The following CNOT6L variants were observed in gnomAD, a reference collection of about 807,000 sequenced individuals.
CNOT6L encodes CCR4-NOT transcription complex subunit 6-like.
In CNOT6L, 7 loss-of-function variants were observed where a neutral mutation model predicts 64.0. That is an observed-to-expected ratio of 0.11 (90% CI 0.06 to 0.21). CNOT6L has a LOEUF of 0.21. Among genes scored for constraint, CNOT6L ranks in the 10% least tolerant of loss-of-function variants. The pLI is 1.00. For missense variants in CNOT6L, 245 were observed against 669.0 expected (o/e 0.37, Z 6.99); for synonymous variants, 193 against 243.4 (o/e 0.79, Z 1.93).
chr4:77,713,724 T>C lies in CNOT6L; in HGVS notation c.*6707A>G, dbSNP rs548915412. On this transcript the variant is annotated 3_prime_UTR_variant, in exon 12 of 12. Transcript: ENST00000504123. ...AAACATCTCAGCTGAGCAGTTTTGGTCAAGATTCAGACCTCATCAACTGTT... is the reference window on the plus strand; with the variant it reads ...AAACATCTCAGCTGAGCAGTTTTGGCCAAGATTCAGACCTCATCAACTGTT... 6.6e-6 allele frequency: 1 copy of C among 152,658 alleles called. No homozygotes were observed. The highest frequency in any genetic ancestry group is 2.1e-4 in the South Asian group (1 of 4,822). The allele number at this position is 152,658 out of a possible 1,614,324, so 9.5% of individuals were successfully genotyped here. A position where few individuals can be genotyped will look rare whatever the true frequency, so the allele number is the denominator to read the frequency against.
At chr4:77,768,474 A>AATAT (rs1193284066) in intron 4 of CNOT6L, among the ~76,000 whole-genome samples, 195 of 12,858 alleles carry the variant, frequency 0.015, no homozygotes, top group South Asian at 0.024. Context: ...AAAATAAATA[A>AATAT]ATATATATAT....
chr4:77,819,520 C>A (rs1734056983), upstream of CNOT6L: 3 of 906,718 alleles, frequency 3.3e-6, no homozygotes, highest in African/African-American at 5.4e-5. Context: ...GGGCCCGTAA[C>A]CGGGGCTCGC....
At chr4:77,758,171 AT>A (rs1368322715) in intron 4 of CNOT6L, among the ~76,000 whole-genome samples, 10 of 152,188 alleles carry the variant, frequency 6.6e-5, no homozygotes, top group Admixed American at 6.5e-4. Context: ...TGACGGAAAT[AT>A]TCTATCTTGA....
At chr4:77,743,836 A>T (rs1225874919) in intron 7 of CNOT6L, among the ~76,000 whole-genome samples, 7 of 152,014 alleles carry the variant, frequency 4.6e-5, no homozygotes, top group African/African-American at 1.7e-4. Flanking sequence ...TCTTGACCCC[A>T]AGGGATCCAC....
At chr4:77,743,586 C>CTTTTTTTTTTTTTTTTTTTT (rs142888128) in intron 7 of CNOT6L, among the ~76,000 whole-genome samples, 1 of 70,890 alleles carries the variant, frequency 1.4e-5, no homozygotes, top group African/African-American at 6.8e-5. Context: ...TAACACACAA[C>CTTTTTTTTTTTTTTTTTTTT]TTTTTTTTTT....
intron 3 of CNOT6L, among the ~76,000 whole-genome samples, chr4:77,773,471 G>T (rs1384736345): frequency 6.6e-6 from 1 of 152,124 alleles, no homozygotes; most frequent in East Asian, 1.9e-4. Flanking sequence ...CACCCAAAAT[G>T]CCTATCAAAT....
intron 5 of CNOT6L, among the ~76,000 whole-genome samples, chr4:77,756,035 G>GTGCAGCGGCACGATCTCAGCTGAC (rs2109997867): frequency 6.6e-6 from 1 of 152,098 alleles, no homozygotes; most frequent in Non-Finnish European, 1.5e-5. Flanking sequence ...CCAGGCTGGA[G>GTGCAGCGGCACGATCTCAGCTGAC]TGCAGCGGCA....
rs1254450416 is a variant in CNOT6L, at chr4:77,716,656, C to T, written c.*3775G>A. ...ATTCTAATATAATCTACCATAGAAT[C>T]AAGTGATATGAGCCTTAGATATCTT... On this transcript the variant is annotated 3_prime_UTR_variant, in exon 12 of 12. Coordinates refer to ENST00000504123, the MANE Select transcript of CNOT6L (RefSeq NM_144571.3). The T allele has an allele frequency of 6.6e-6, 1 of 152,464 alleles. No homozygotes were observed. The highest frequency in any genetic ancestry group is 1.5e-5 in the Non-Finnish European group (1 of 68,012). The allele number at this position is 152,464 out of a possible 1,614,324, so 9.4% of individuals were successfully genotyped here.
At chr4:77,734,222 A>T (rs2109906512) in intron 8 of CNOT6L, among the ~76,000 whole-genome samples, 1 of 152,314 alleles carries the variant, frequency 6.6e-6, no homozygotes, top group Non-Finnish European at 1.5e-5. Flanking sequence ...ACTTCAAAAC[A>T]AAAACGTGGA....
chr4:77,771,887 TC>T (rs937457997), intron 4 of CNOT6L, among the ~76,000 whole-genome samples: 20 of 152,214 alleles, frequency 1.3e-4, no homozygotes, highest in African/African-American at 4.8e-4. Flanking sequence ...TGTTTATTCC[TC>T]ATGAGCACAG....
At chr4:77,782,038 T>C (rs1478252448) in intron 1 of CNOT6L, among the ~76,000 whole-genome samples, 2 of 152,192 alleles carry the variant, frequency 1.3e-5, no homozygotes, top group Non-Finnish European at 2.9e-5. Flanking sequence ...AAATTAAGCC[T>C]ATATGAGGCT....
intron 1 of CNOT6L, among the ~76,000 whole-genome samples, chr4:77,817,337 T>C (rs1335431905): frequency 6.6e-6 from 1 of 152,216 alleles, no homozygotes. Flanking sequence ...ACCTTTTGTA[T>C]ACTGAAGGGC....
chr4:77,730,499 C>A (rs1414452236), intron 9 of CNOT6L, among the ~76,000 whole-genome samples: 1 of 151,512 alleles, frequency 6.6e-6, no homozygotes, highest in Non-Finnish European at 1.5e-5. Context: ...AGTAAAACTC[C>A]AAAAGATATT....
intron 4 of CNOT6L, among the ~76,000 whole-genome samples, chr4:77,760,315 C>T (rs1726052152): frequency 2.6e-5 from 4 of 152,044 alleles, no homozygotes; most frequent in African/African-American, 7.2e-5. Context: ...TTAGAGGCTA[C>T]AGTGAGCTAT....
intron 4 of CNOT6L, among the ~76,000 whole-genome samples, chr4:77,759,483 T>C (rs1405534876): frequency 1.3e-5 from 2 of 151,548 alleles, no homozygotes; most frequent in African/African-American, 4.9e-5. Context: ...GAGAATGGTA[T>C]GAACCCGGGA....
At chr4:77,777,663 T>C (rs568492972) in intron 1 of CNOT6L, among the ~76,000 whole-genome samples, 74 of 152,348 alleles carry the variant, frequency 4.9e-4, no homozygotes, top group African/African-American at 1.7e-3. Context: ...TTGGGTTCTT[T>C]GCTCATATAT....
intron 9 of CNOT6L, among the ~76,000 whole-genome samples, chr4:77,730,819 A>G (rs926508917): frequency 6.6e-6 from 1 of 152,110 alleles, no homozygotes; most frequent in Non-Finnish European, 1.5e-5. Flanking sequence ...AAACAGTGAG[A>G]TGCTCAAAGG....
Position 77,744,853 on chromosome 4 carries a change from G to A in CNOT6L, c.582C>T (p.Tyr194=). The A allele has an allele frequency of 6.2e-7, 1 of 1,610,454 alleles. No homozygotes were observed. The highest frequency in any genetic ancestry group is 1.1e-5 in the South Asian group (1 of 90,258). Residue 194 remains tyrosine, a synonymous_variant, in exon 7 of 12, where the codon TAC becomes TAT. Coordinates refer to ENST00000504123, the MANE Select transcript of CNOT6L (RefSeq NM_144571.3). ...TAGCGTATTTATCACATAACACATT[G>A]TAACACATAACCGTGAATGATGCTA... ...LPSASFTVMC[Y]NVLCDKYATR...
At chr4:77,789,289 C>T (rs1405461675) in intron 1 of CNOT6L, among the ~76,000 whole-genome samples, 1 of 151,882 alleles carries the variant, frequency 6.6e-6, no homozygotes, top group Admixed American at 6.6e-5. Flanking sequence ...GCTGAGTACA[C>T]AGCTCCCCCC....
Sources: gnomAD v4.1 joint callset for allele counts (sites outside exome capture counted in the v4.1 genomes callset) on GRCh38, gnomAD v4.1.1 for gene constraint, MANE v1.5 for transcripts, NCBI Gene and HGNC (gene_info 2026-07-23, HGNC 2026-07-21) for gene names.